The following PATJ variants were observed in gnomAD, a reference collection of about 807,000 sequenced individuals.
PATJ encodes the protein inaD-like protein.
PATJ carries 190 observed loss-of-function variants against 224.9 expected under a neutral mutation model. The observed-to-expected ratio is 0.84, with a 90% confidence interval of 0.75 to 0.95. The LOEUF (loss-of-function observed/expected upper bound fraction) is 0.95, where lower values mean the gene tolerates loss of function less well. Ranked by LOEUF, PATJ falls within the 40% of genes least tolerant of loss-of-function variation. The pLI, the probability that PATJ is intolerant of heterozygous loss-of-function variation, is 0.00. For missense variants in PATJ, 2,121 were observed against 2,270.3 expected (o/e 0.93, Z 1.34); for synonymous variants, 769 against 820.3 (o/e 0.94, Z 1.07).
chr1:62,007,718 C>A (rs576198085), intron 28 of PATJ, among the ~76,000 whole-genome samples: 1 of 152,270 alleles, frequency 6.6e-6, no homozygotes, highest in Admixed American at 6.5e-5. Context: ...TAATTTGGTT[C>A]TTGTTGAGGG....
intron 27 of PATJ, among the ~76,000 whole-genome samples, chr1:61,953,113 T>G (rs1220160454): frequency 6.6e-6 from 1 of 152,196 alleles, no homozygotes; most frequent in Non-Finnish European, 1.5e-5. Flanking sequence ...ATTGCTACAT[T>G]GGCCATATAA....
At chr1:61,829,154 T>G (rs1658865333) in intron 16 of PATJ, among the ~76,000 whole-genome samples, 1 of 152,204 alleles carries the variant, frequency 6.6e-6, no homozygotes, top group Non-Finnish European at 1.5e-5. Flanking sequence ...GTATTAATCT[T>G]GTTTATCCAA....
intron 6 of PATJ, among the ~76,000 whole-genome samples, chr1:61,774,730 A>AT (rs2148394544): frequency 6.6e-6 from 1 of 152,250 alleles, no homozygotes; most frequent in East Asian, 1.9e-4. Flanking sequence ...CTTCCTTTGT[A>AT]GTGCAACTTA....
chr1:61,937,437 G>A (rs927628014), intron 27 of PATJ, among the ~76,000 whole-genome samples: 6 of 152,032 alleles, frequency 3.9e-5, no homozygotes, highest in African/African-American at 1.5e-4. Flanking sequence ...AAAATATAGA[G>A]TGCCATACTA....
At chr1:62,003,184 A>C (rs1558024057) in intron 28 of PATJ, among the ~76,000 whole-genome samples, 1 of 152,216 alleles carries the variant, frequency 6.6e-6, no homozygotes, top group Non-Finnish European at 1.5e-5. Context: ...AATTACCTAT[A>C]GTCACCTACT....
rs563865858 is a variant in PATJ, at chr1:62,119,498, CTT to C, written c.4891-1682_4891-1681del. 5.3e-5 allele frequency among the ~76,000 whole-genome samples: 8 copies of C among 152,266 alleles called. No homozygotes were observed. In the South Asian group the frequency reaches 1.5e-3, roughly 28 times the overall value. On this transcript the variant is annotated intron_variant, in intron 37 of 43. Transcript: ENST00000642238. ...AGTGAGTTCATTAAGAGAGAAATAA[CTT>C]CTAGCTTTGGGGCCACCAAGTGTCT... is the stretch of plus-strand genomic sequence containing the variant.
At chr1:62,077,585 G>A (rs1658516157) in intron 31 of PATJ, among the ~76,000 whole-genome samples, 1 of 151,500 alleles carries the variant, frequency 6.6e-6, no homozygotes, top group African/African-American at 2.4e-5. Context: ...AGGTATTCAG[G>A]AGGCTGAGGT....
chr1:62,108,649 T>C lies in PATJ; in HGVS notation c.4461+129T>C, dbSNP rs1010339592. 3 of 510,820 alleles carry C rather than the reference T, an allele frequency of 5.9e-6. No homozygotes were observed. The South Asian group carries it at 1.1e-4, about 19-fold the overall frequency. 31.6% of individuals were successfully genotyped at this position (510,820 alleles called of 1,614,324 possible). A position where few individuals can be genotyped will look rare whatever the true frequency, so the allele number is the denominator to read the frequency against. On this transcript the variant is annotated intron_variant, in intron 34 of 43. Coordinates refer to ENST00000642238, the MANE Select transcript of PATJ (RefSeq NM_001350145.3). The stretch of plus-strand genomic sequence containing the variant: ...CTCCCATTTAACAAAATACTTATCA[T>C]ATTCTTTTTTTCTTCAGTGTACATT...
chr1:61,824,670 C>G (rs1289663733), intron 15 of PATJ, among the ~76,000 whole-genome samples: 1 of 152,116 alleles, frequency 6.6e-6, no homozygotes, highest in South Asian at 2.1e-4. Flanking sequence ...AGCAATTCTT[C>G]TACCTCGGCC....
intron 30 of PATJ, among the ~76,000 whole-genome samples, chr1:62,041,540 A>G (rs1013932572): frequency 6.6e-6 from 1 of 152,192 alleles, no homozygotes; most frequent in Non-Finnish European, 1.5e-5. Flanking sequence ...AAACTTGATT[A>G]ATTAAACGAG....
intron 38 of PATJ, among the ~76,000 whole-genome samples, chr1:62,121,610 CA>C (rs994725626): frequency 6.7e-5 from 10 of 149,926 alleles, no homozygotes; most frequent in African/African-American, 2.0e-4. Flanking sequence ...TATTAAAATA[CA>C]AAAAAAAATT....
chr1:62,075,748 C>G (rs909126074), intron 31 of PATJ, among the ~76,000 whole-genome samples: 6 of 152,106 alleles, frequency 3.9e-5, no homozygotes, highest in African/African-American at 1.4e-4. Flanking sequence ...GAAACCCCGT[C>G]TCTACTAAAA....
Position 61,801,649 on chromosome 1 carries a change from C to T in PATJ, c.1429C>T (p.Pro477Ser), listed in dbSNP as rs150291494. 1,309 of 1,590,492 alleles carry T rather than the reference C, an allele frequency of 8.2e-4. 3 individuals are homozygous for T. Among genetic ancestry groups the T allele is most frequent in the Admixed American group, 1.7e-3 (97 of 57,610 alleles). ...RGTVVEPLKP[P>S]ALFLTGAVET... is the part of the protein sequence containing the mutation. ...AACTGTTGTAGAACCACTGAAACCA[C>T]CAGCTCTCTTTCTAACTGGAGCAGT... Residue 477 changes from proline to serine, a missense_variant, in exon 12 of 44, where the codon CCA (proline) becomes TCA (serine). Coordinates refer to ENST00000642238, the MANE Select transcript of PATJ (RefSeq NM_001350145.3).
At chr1:62,093,087 T>A (rs1333899374) in intron 33 of PATJ, among the ~76,000 whole-genome samples, 1 of 152,114 alleles carries the variant, frequency 6.6e-6, no homozygotes, top group East Asian at 1.9e-4. Flanking sequence ...CAAATCCACA[T>A]TTTTTTCAAT....
chr1:61,849,270 C>T (rs926647780), intron 17 of PATJ, among the ~76,000 whole-genome samples: 2 of 152,160 alleles, frequency 1.3e-5, no homozygotes, highest in African/African-American at 2.4e-5. Context: ...CTATACAACA[C>T]AGCCTAGAAC....
chr1:61,843,684 C>T (rs923560877), intron 17 of PATJ, among the ~76,000 whole-genome samples: 3 of 147,560 alleles, frequency 2.0e-5, no homozygotes, highest in African/African-American at 7.6e-5. Flanking sequence ...CACACCACTG[C>T]ACTTCAGCCT....
At position 61,810,702 on chromosome 1, in the gene PATJ, AT is replaced by A. The variant is rs1305298787; in HGVS notation, c.1683+2173del. Among the ~76,000 whole-genome samples, 126 of 30,260 alleles carry A rather than the reference AT, an allele frequency of 4.2e-3. 1 individual carries two copies. The highest frequency in any genetic ancestry group is 0.02 in the African/African-American group (112 of 5,712). 19.9% of individuals were successfully genotyped at this position (30,260 alleles called of 152,430 possible). ...ACAGAGCGAGACTCTGTCTCAAAAA[AT>A]AAATAAATAAATAAATAAATAAATA... On this transcript the variant is annotated intron_variant, in intron 14 of 43. Transcript: ENST00000642238.
intron 21 of PATJ, among the ~76,000 whole-genome samples, chr1:61,882,382 A>G (rs530216205): frequency 6.6e-6 from 1 of 152,322 alleles, no homozygotes; most frequent in African/African-American, 2.4e-5. Context: ...TAGGTGACAA[A>G]AAACAATTAA....
At chr1:61,796,230 C>T (rs1015195859) in intron 10 of PATJ, among the ~76,000 whole-genome samples, 1 of 152,166 alleles carries the variant, frequency 6.6e-6, no homozygotes, top group Non-Finnish European at 1.5e-5. Flanking sequence ...GAAATACTTA[C>T]AGCTAGCTCA....
Sources: allele counts gnomAD v4.1 joint callset (sites outside exome capture counted in the v4.1 genomes callset), GRCh38; gene constraint gnomAD v4.1.1; transcripts MANE v1.5; gene names NCBI Gene and HGNC (gene_info 2026-07-23, HGNC 2026-07-21).